ACSM1: variants seen among roughly 807,000 people sequenced by gnomAD.
The protein encoded by ACSM1 is acyl-CoA synthetase medium chain family member 1, also known as acyl-coenzyme A synthetase ACSM1, mitochondrial.
Under a neutral mutation model 75.8 loss-of-function variants are expected in ACSM1, and 79 were observed. The observed-to-expected ratio is 1.04, with a 90% CI of 0.87 to 1.26. The LOEUF (loss-of-function observed/expected upper bound fraction) is 1.26. ACSM1 is among the 50% of genes most tolerant of loss of function. The pLI, the probability that ACSM1 is intolerant of heterozygous loss-of-function variation, is 0.00. For synonymous variants in ACSM1, 279 were observed against 265.8 expected, an observed-to-expected ratio of 1.05 and a Z score of -0.48; for missense variants, 676 against 720.1, an observed-to-expected ratio of 0.94 and a Z score of 0.70.
At chr16:20,668,685 G>A (rs983890984) in intron 6 of ACSM1, among the ~76,000 whole-genome samples, 1 of 152,118 alleles carries the variant, frequency 6.6e-6, no homozygotes, top group Non-Finnish European at 1.5e-5. Flanking sequence ...GAAGGAAATT[G>A]CTTAGAAAGA....
chr16:20,694,988 T>C (rs1226401735), intron 1 of ACSM1, among the ~76,000 whole-genome samples: 2 of 152,188 alleles, frequency 1.3e-5, no homozygotes, highest in African/African-American at 4.8e-5. Flanking sequence ...AGAAAATCAA[T>C]TTCTGTTGTT....
intron 2 of ACSM1, among the ~76,000 whole-genome samples, chr16:20,686,444 GAA>G (rs1332397111): frequency 1.3e-5 from 2 of 152,126 alleles, no homozygotes; most frequent in African/African-American, 4.8e-5. Flanking sequence ...ACAGGCAGGG[GAA>G]CAACACACAC....
At chr16:20,634,956 A>G (rs1457742373) in intron 10 of ACSM1, among the ~76,000 whole-genome samples, 1 of 152,200 alleles carries the variant, frequency 6.6e-6, no homozygotes, top group Non-Finnish European at 1.5e-5. Context: ...GCTGGGTCTC[A>G]TGGTAATTCT....
rs150947761 is a variant in ACSM1, at chr16:20,640,486, T to C, written c.1091A>G (p.Tyr364Cys). The C allele has an allele frequency of 2.5e-6, 4 of 1,614,064 alleles. No individual in the cohort carries two copies. The African/African-American group carries it at 4.0e-5, about 16-fold the overall frequency. Residue 364 changes from tyrosine (Y) to cysteine (C), a missense_variant, in exon 8 of 14, where the codon TAC becomes TGC. Tyr to Cys is a radical substitution (Grantham distance 194). Coordinates refer to ENST00000520010, the MANE Select transcript of ACSM1 (RefSeq NM_001318890.3). ...CGTTTCCGACTGCCCATAGTTCTCG[T>C]AGAGCAGAAGGCCCGTCCGTCTTTT... is the stretch of plus-strand genomic sequence containing the variant. ...EWKRRTGLLL[Y>C]ENYGQSETGL...
chr16:20,669,783 T>A, intron 6 of ACSM1, 44 bp downstream of exon 6: 10 of 1,598,594 alleles, frequency 6.3e-6, no homozygotes, highest in Non-Finnish European at 8.5e-6. Context: ...AAACATGGAT[T>A]TTTTTCTGGA....
chr16:20,630,453 T>C (rs1306133228), intron 10 of ACSM1, among the ~76,000 whole-genome samples: 3 of 151,984 alleles, frequency 2.0e-5, no homozygotes, highest in Non-Finnish European at 4.4e-5. Context: ...AATAGAAGGG[T>C]CAATTCACCA....
intron 7 of ACSM1, among the ~76,000 whole-genome samples, chr16:20,645,979 C>G (rs2018338654): frequency 6.6e-6 from 1 of 152,198 alleles, no homozygotes; most frequent in African/African-American, 2.4e-5. Context: ...GTTTATCACT[C>G]AGTCAGCTGC....
intron 4 of ACSM1, chr16:20,679,663 A>G (rs2079397077): frequency 6.6e-6 from 1 of 152,146 alleles, no homozygotes; most frequent in Non-Finnish European, 1.5e-5. Context: ...TGTACATACT[A>G]CCTGGGTAAG....
chr16:20,692,475 A>T (rs539200158), intron 1 of ACSM1, among the ~76,000 whole-genome samples: 1 of 152,296 alleles, frequency 6.6e-6, no homozygotes, highest in East Asian at 1.9e-4. Context: ...AGGTTAAGGT[A>T]AAGCTTTGTG....
chr16:20,682,535 G>T (rs2079469482), intron 3 of ACSM1, 72 bp from the exon 4 acceptor site: 2 of 1,207,452 alleles, frequency 1.7e-6, no homozygotes, highest in African/African-American at 1.5e-5. Flanking sequence ...TGGCTTGTCT[G>T]CATCGAAATA....
At chr16:20,659,401 GA>G (rs1229693703) in intron 7 of ACSM1, among the ~76,000 whole-genome samples, 10 of 152,092 alleles carry the variant, frequency 6.6e-5, no homozygotes, top group African/African-American at 2.4e-4. Context: ...AGCGGGGACT[GA>G]GGACTGAGCT....
intron 6 of ACSM1, among the ~76,000 whole-genome samples, chr16:20,664,103 T>C (rs1242445381): frequency 1.8e-4 from 28 of 151,966 alleles, no homozygotes; most frequent in Non-Finnish European, 5.9e-5. Context: ...CAGGGGTGGG[T>C]AGAGAGGAAA....
intron 10 of ACSM1, among the ~76,000 whole-genome samples, chr16:20,635,019 G>A (rs921520557): frequency 6.6e-6 from 1 of 152,072 alleles, no homozygotes; most frequent in South Asian, 2.1e-4. Context: ...AGTCCCAATG[G>A]AGGAATACTG....
chr16:20,643,115 C>A (rs1401470235), intron 7 of ACSM1, among the ~76,000 whole-genome samples: 2 of 152,164 alleles, frequency 1.3e-5, no homozygotes, highest in Admixed American at 1.3e-4. Flanking sequence ...CCCAGAAGTA[C>A]AGGAAAAGTG....
chr16:20,661,725 C>T, intron 7 of ACSM1, 69 bp downstream of exon 7: 1 of 1,170,128 alleles, frequency 8.5e-7, no homozygotes, highest in South Asian at 1.3e-5. Context: ...AGAAGAAAAA[C>T]AGACCATGAT....
chr16:20,686,844 A>C (rs2079562178), intron 2 of ACSM1, among the ~76,000 whole-genome samples: 1 of 152,004 alleles, frequency 6.6e-6, no homozygotes, highest in Non-Finnish European at 1.5e-5. Flanking sequence ...AAAGTGATTA[A>C]CATGTTAATT....
At chr16:20,658,681 G>A (rs2019129935) in intron 7 of ACSM1, among the ~76,000 whole-genome samples, 1 of 152,130 alleles carries the variant, frequency 6.6e-6, no homozygotes, top group Non-Finnish European at 1.5e-5. Flanking sequence ...TACAAAAGTG[G>A]TGGGAAGAAT....
intron 1 of ACSM1, among the ~76,000 whole-genome samples, chr16:20,694,945 C>A (rs1050047827): frequency 6.6e-6 from 1 of 152,110 alleles, no homozygotes. Context: ...AGAAAACCAC[C>A]CTGATCTTGG....
Position 20,682,467 on chromosome 16 carries a change from G to C in ACSM1, c.404-4C>G. On this transcript the variant is annotated splice_polypyrimidine_tract_variant and splice_region_variant and intron_variant, in intron 3 of 13. Transcript: ENST00000520010. ...GTCGCAGGAATGAAGATGATCCCTG[G>C]GGATGAGAAAGGAACTGATTGTTTT... 1 of 1,611,900 alleles carries C rather than the reference G, an allele frequency of 6.2e-7. No homozygotes were observed. Among genetic ancestry groups the C allele is most frequent in the Non-Finnish European group, 8.5e-7 (1 of 1,178,536 alleles).
Sources: allele counts gnomAD v4.1 joint callset (sites outside exome capture counted in the v4.1 genomes callset), GRCh38; gene constraint gnomAD v4.1.1; transcripts MANE v1.5; gene names NCBI Gene and HGNC (gene_info 2026-07-23, HGNC 2026-07-21).